The following DMD variants were observed in gnomAD, a reference collection of about 807,000 sequenced individuals.
The protein encoded by DMD is dystrophin, also known as mutant dystrophin.
DMD carries 63 observed loss-of-function variants against 330.1 expected under a neutral mutation model. The ratio of observed to expected loss-of-function variants is 0.19; its 90% CI spans 0.16 to 0.24. DMD has a LOEUF of 0.24. Ranked by LOEUF, DMD falls within the 10% of genes least tolerant of loss-of-function variation. The probability of loss-of-function intolerance (pLI) is 1.00; values close to 1 mark genes in which losing one functional copy is unlikely to be tolerated. For missense variants in DMD, 3,344 were observed against 2,684.1 expected (o/e 1.25, Z -5.43); for synonymous variants, 1,223 against 959.8 (o/e 1.27, Z -5.07).
intron 59 of DMD, among the ~76,000 whole-genome samples, chrX:31,448,011 CA>C (rs1198070119): frequency 0.12 from 4,156 of 35,180 alleles, 163 homozygotes; most frequent in African/African-American, 0.25. Context: ...ACTCTGTCTC[CA>C]AAAAAAAAAA....
intron 62 of DMD, chrX:31,266,744 C>T: frequency 9.2e-7 from 1 of 1,083,631 alleles, no homozygotes; most frequent in Non-Finnish European, 1.3e-6. Context: ...TCAGCTTGCC[C>T]CCTGCTCGCG....
chrX:32,814,648 T>A (rs953095894), intron 6 of DMD, among the ~76,000 whole-genome samples: 1 of 111,767 alleles, frequency 8.9e-6, no homozygotes, highest in Non-Finnish European at 1.9e-5. Context: ...TCATCCAATA[T>A]GACAGGAGAG....
At chrX:32,779,249 T>C (rs968118995) in intron 7 of DMD, among the ~76,000 whole-genome samples, 2 of 105,382 alleles carry the variant, frequency 1.9e-5, no homozygotes, top group Admixed American at 1.0e-4. Context: ...ATTATTGATT[T>C]TACTGCACAC....
chrX:31,193,947 G>A (rs1210208861), intron 67 of DMD, among the ~76,000 whole-genome samples: 6 of 111,253 alleles, frequency 5.4e-5, no homozygotes, highest in African/African-American at 1.6e-4. Context: ...TTGGGAGGCC[G>A]AGGCAGGTGG....
chrX:32,391,644 G>A (rs983705528), intron 30 of DMD, among the ~76,000 whole-genome samples: 2 of 111,847 alleles, frequency 1.8e-5, no homozygotes, highest in African/African-American at 6.5e-5. Context: ...TAACTACCTT[G>A]TGTGAGAAAT....
At position 31,831,835 on chromosome X, in the gene DMD, T is replaced by C. The variant is rs369066201; in HGVS notation, c.7200+4883A>G. On this transcript the variant is annotated intron_variant, in intron 49 of 78. Transcript: ENST00000357033. ...GCCAGGATGGTCTCGATCTCCTGAC[T>C]TTGTGATCCGCCCACCTTGGCCTCC... Among the ~76,000 whole-genome samples, 568 of 112,431 alleles carry C rather than the reference T, an allele frequency of 5.1e-3. 1 individual carries two copies. Among genetic ancestry groups the C allele is most frequent in the Middle Eastern group, 9.3e-3 (2 of 214 alleles).
chrX:33,087,942 C>T (rs1195299777), intron 1 of DMD, among the ~76,000 whole-genome samples: 1 of 111,371 alleles, frequency 9.0e-6, no homozygotes, highest in Non-Finnish European at 1.9e-5. Context: ...AAGATGTCAC[C>T]TCCTTTACGA....
chrX:32,204,256 C>T (rs145582153), intron 44 of DMD, among the ~76,000 whole-genome samples: 1,261 of 111,857 alleles, frequency 0.011, 15 homozygotes, highest in African/African-American at 0.038. Context: ...TGGGATAAAG[C>T]GTTTAAACTT....
chrX:31,469,195 A>G (rs1446944616), intron 59 of DMD, among the ~76,000 whole-genome samples: 1 of 111,251 alleles, frequency 9.0e-6, no homozygotes, highest in Non-Finnish European at 1.9e-5. Flanking sequence ...TTATGTGTGA[A>G]TTTGATCCTG....
At chrX:32,017,988 A>T (rs2095777848) in intron 44 of DMD, among the ~76,000 whole-genome samples, 1 of 110,899 alleles carries the variant, frequency 9.0e-6, no homozygotes, top group Admixed American at 9.6e-5. Context: ...CATCCATTTG[A>T]CAATTTATCG....
At chrX:32,875,682 C>T (rs760243048) in intron 2 of DMD, among the ~76,000 whole-genome samples, 13 of 111,971 alleles carry the variant, frequency 1.2e-4, no homozygotes, top group East Asian at 8.5e-4. Flanking sequence ...ACCAGAAAAC[C>T]GAATGGTCTT....
intron 41 of DMD, among the ~76,000 whole-genome samples, chrX:32,331,673 A>G (rs1408932892): frequency 9.0e-6 from 1 of 111,532 alleles, no homozygotes; most frequent in Non-Finnish European, 1.9e-5. Context: ...GCAAATATAA[A>G]ATTGTATATC....
chrX:32,472,494 G>A (rs2148487426), intron 21 of DMD, among the ~76,000 whole-genome samples, 185 bp from the exon 22 acceptor site: 1 of 111,468 alleles, frequency 9.0e-6, no homozygotes, highest in African/African-American at 3.3e-5. Flanking sequence ...ATATGCCAGG[G>A]ACCTTACACA....
intron 41 of DMD, among the ~76,000 whole-genome samples, chrX:32,329,023 A>ACATT (rs2097666058): frequency 8.9e-6 from 1 of 111,741 alleles, no homozygotes; most frequent in Admixed American, 9.6e-5. Context: ...AAGATGTTAT[A>ACATT]CATTCATTCA....
chrX:32,771,372 G>A (rs1434180918), intron 7 of DMD, among the ~76,000 whole-genome samples: 1 of 111,067 alleles, frequency 9.0e-6, no homozygotes, highest in Non-Finnish European at 1.9e-5. Context: ...CACACTTAAG[G>A]TGTAACTACT....
chrX:32,762,682 G>T (rs1205531330), intron 7 of DMD, among the ~76,000 whole-genome samples: 1 of 109,998 alleles, frequency 9.1e-6, no homozygotes, highest in Admixed American at 9.8e-5. Context: ...GTTCTTGCTT[G>T]ACCGGAGCCT....
intron 48 of DMD, among the ~76,000 whole-genome samples, chrX:31,848,263 T>C (rs1403040532): frequency 8.9e-6 from 1 of 111,830 alleles, no homozygotes; most frequent in Non-Finnish European, 1.9e-5. Context: ...TTTCTCTTAG[T>C]GGGTTTATGA....
chrX:33,227,200 A>G (rs1253395603), intron 1 of DMD, among the ~76,000 whole-genome samples: 1 of 111,419 alleles, frequency 9.0e-6, no homozygotes, highest in Non-Finnish European at 1.9e-5. Flanking sequence ...ACTACACAAG[A>G]AAGAGTAAAG....
At chrX:32,956,437 AT>A (rs1379387697) in intron 2 of DMD, among the ~76,000 whole-genome samples, 2 of 111,159 alleles carry the variant, frequency 1.8e-5, no homozygotes, top group Non-Finnish European at 3.8e-5. Flanking sequence ...GCAGTTGTGA[AT>A]GTGATTGCAT....
Sources: gnomAD v4.1 joint callset for allele counts (sites outside exome capture counted in the v4.1 genomes callset) on GRCh38, gnomAD v4.1.1 for gene constraint, MANE v1.5 for transcripts, NCBI Gene and HGNC (gene_info 2026-07-23, HGNC 2026-07-21) for gene names.